The following TNFRSF11B variants were observed in gnomAD, a reference collection of about 807,000 sequenced individuals.
TNFRSF11B encodes the protein TNF receptor superfamily member 11b.
Under a neutral mutation model 43.4 loss-of-function variants are expected in TNFRSF11B, and 16 were observed. The ratio of observed to expected loss-of-function variants is 0.37; its 90% CI spans 0.25 to 0.56. The LOEUF is 0.56. Among genes scored for constraint, TNFRSF11B ranks in the 20% least tolerant of loss-of-function variants. TNFRSF11B has a pLI of 0.80. For missense variants in TNFRSF11B, 444 were observed against 490.1 expected, an observed-to-expected ratio of 0.91 and a Z score of 0.89; for synonymous variants, 185 against 181.8, an observed-to-expected ratio of 1.02 and a Z score of -0.14.
chr8:118,938,573 G>T (rs545240657), intron 1 of TNFRSF11B, among the ~76,000 whole-genome samples: 86 of 152,156 alleles, frequency 5.7e-4, no homozygotes, highest in Non-Finnish European at 2.6e-4. Flanking sequence ...TTCCCTTCAC[G>T]CATTGTCCAA....
intron 4 of TNFRSF11B, among the ~76,000 whole-genome samples, chr8:118,926,158 C>T (rs1812241482): frequency 6.6e-6 from 1 of 152,160 alleles, no homozygotes; most frequent in South Asian, 2.1e-4. Flanking sequence ...TAGAGCTTCT[C>T]CTTGGTGGTC....
Position 118,933,199 on chromosome 8 carries a change from A to G in TNFRSF11B, c.132T>C (p.Cys44=). Residue 44 remains cysteine, a synonymous_variant, in exon 2 of 5, where the codon TGT becomes TGC. Coordinates refer to ENST00000297350, the MANE Select transcript of TNFRSF11B (RefSeq NM_002546.4). ...ETSHQLLCDK[C]PPGTYLKQHC... ...GTTGTTTTAGGTAGGTACCAGGAGG[A>G]CATTTGTCACACAACAGCTGATGAG... The G allele has an allele frequency of 6.2e-7, 1 of 1,614,182 alleles. No individual in the cohort carries two copies.
intron 4 of TNFRSF11B, among the ~76,000 whole-genome samples, chr8:118,925,954 G>A (rs1238469361): frequency 2.6e-5 from 4 of 152,132 alleles, no homozygotes; most frequent in Non-Finnish European, 4.4e-5. Flanking sequence ...TCCTACAAGA[G>A]GCTCAAACAC....
chr8:118,924,672 G>T lies in TNFRSF11B; in HGVS notation c.908C>A (p.Pro303Gln). 1 of 1,614,030 alleles carries T rather than the reference G, an allele frequency of 6.2e-7. No homozygotes were observed. Among genetic ancestry groups the T allele is most frequent in the Non-Finnish European group, 8.5e-7 (1 of 1,180,020 alleles). The change falls in exon 5 of 5, where the codon CCG (proline) becomes CAG (glutamine). Residue 303 changes from proline (P) to glutamine (Q), a missense_variant. By Grantham distance (76) the Pro-to-Gln change is moderately conservative. Coordinates refer to ENST00000297350, the MANE Select transcript of TNFRSF11B (RefSeq NM_002546.4). ...GTCTTCTGCTCCCACTTTCTTTCCC[G>T]GTAAGCTTTCCATCAAGCTACGAAG... Reference protein sequence around the residue: ...EQLRSLMESLPGKKVGAEDIE... With the variant: ...EQLRSLMESLQGKKVGAEDIE...
chr8:118,936,248 C>A (rs1460023252), intron 1 of TNFRSF11B, among the ~76,000 whole-genome samples: 1 of 152,152 alleles, frequency 6.6e-6, no homozygotes, highest in Non-Finnish European at 1.5e-5. Context: ...AAGGTAATTT[C>A]TCCAAGGCTA....
At chr8:118,926,449 G>A in intron 4 of TNFRSF11B, 45 bp downstream of exon 4, 2 of 1,477,098 alleles carry the variant, frequency 1.4e-6, no homozygotes, top group Admixed American at 1.7e-5. Flanking sequence ...TGATAAATAG[G>A]TGTCTTTGAT....
chr8:118,931,446 A>G (rs1029121713), intron 2 of TNFRSF11B, among the ~76,000 whole-genome samples: 1 of 152,202 alleles, frequency 6.6e-6, no homozygotes, highest in African/African-American at 2.4e-5. Context: ...AAAATTTTCT[A>G]GTTTCCAAGC....
intron 1 of TNFRSF11B, among the ~76,000 whole-genome samples, chr8:118,934,237 T>C (rs1402734441): frequency 6.6e-6 from 1 of 152,218 alleles, no homozygotes; most frequent in African/African-American, 2.4e-5. Flanking sequence ...GAATGCCTAC[T>C]AGGTGTCAAG....
At chr8:118,937,837 A>G in intron 1 of TNFRSF11B, among the ~76,000 whole-genome samples, 1 of 152,226 alleles carries the variant, frequency 6.6e-6, no homozygotes, top group East Asian at 1.9e-4. Context: ...TACTTACAGA[A>G]AAGAGTTTTG....
intron 1 of TNFRSF11B, among the ~76,000 whole-genome samples, chr8:118,946,023 G>A (rs953645764): frequency 6.6e-6 from 1 of 152,042 alleles, no homozygotes; most frequent in Admixed American, 6.6e-5. Context: ...CTAGAGAGGT[G>A]AATTTTTTTA....
intron 1 of TNFRSF11B, among the ~76,000 whole-genome samples, chr8:118,949,751 T>A (rs1220881421): frequency 6.6e-6 from 1 of 152,222 alleles, no homozygotes; most frequent in Non-Finnish European, 1.5e-5. Context: ...AAAGGAATAG[T>A]GTCTATCTTG....
At chr8:118,948,165 G>T (rs1484742724) in intron 1 of TNFRSF11B, among the ~76,000 whole-genome samples, 1 of 152,042 alleles carries the variant, frequency 6.6e-6, no homozygotes, top group African/African-American at 2.4e-5. Context: ...TGATAATTTT[G>T]GCATCTCTGC....
chr8:118,942,023 C>G (rs1812494263), intron 1 of TNFRSF11B, among the ~76,000 whole-genome samples: 2 of 152,122 alleles, frequency 1.3e-5, no homozygotes, highest in Admixed American at 1.3e-4. Context: ...CCCTGGCATT[C>G]TGGCCCAGAA....
At position 118,933,003 on chromosome 8, in the gene TNFRSF11B, C is replaced by A. The variant is rs762911895; in HGVS notation, c.328G>T (p.Gly110Trp). 6.2e-7 allele frequency: 1 copy of A among 1,614,200 alleles called. No individual in the cohort carries two copies. Among genetic ancestry groups the A allele is most frequent in the Non-Finnish European group, 8.5e-7 (1 of 1,180,034 alleles). The change falls in exon 2 of 5, where the codon GGG becomes TGG. Residue 110 changes from glycine (G) to tryptophan (W), a missense_variant. Gly to Trp is a radical substitution (Grantham distance 184). Transcript: ENST00000297350. ...CAGAACTCTATCTCAAGGTAGCGCC[C>A]TTCCTTGCATTCGCACACGCGGTTG... ...THNRVCECKE[G>W]RYLEIEFCLK...
chr8:118,938,132 A>G (rs1179286018), intron 1 of TNFRSF11B, among the ~76,000 whole-genome samples: 1 of 151,904 alleles, frequency 6.6e-6, no homozygotes, highest in African/African-American at 2.4e-5. Flanking sequence ...TGAACATGGA[A>G]TTTTATTTTG....
chr8:118,930,221 C>A (rs969748027), intron 2 of TNFRSF11B, among the ~76,000 whole-genome samples: 11 of 152,180 alleles, frequency 7.2e-5, no homozygotes, highest in African/African-American at 2.7e-4. Flanking sequence ...CCTACTACAT[C>A]CTACTCCTTA....
intron 1 of TNFRSF11B, among the ~76,000 whole-genome samples, chr8:118,935,780 C>A (rs1444825782): frequency 2.0e-5 from 3 of 149,912 alleles, no homozygotes; most frequent in African/African-American, 7.3e-5. Flanking sequence ...GTTGTGTTTG[C>A]TTTCAAGAGG....
intron 1 of TNFRSF11B, among the ~76,000 whole-genome samples, chr8:118,944,481 C>A (rs1208423252): frequency 1.3e-5 from 2 of 152,130 alleles, no homozygotes; most frequent in African/African-American, 2.4e-5. Context: ...CTAGGATACA[C>A]AATCCCACCA....
At chr8:118,938,058 C>T (rs984032247) in intron 1 of TNFRSF11B, among the ~76,000 whole-genome samples, 63 of 152,118 alleles carry the variant, frequency 4.1e-4, no homozygotes, top group African/African-American at 1.3e-3. Flanking sequence ...TCTAATAATT[C>T]CCCATATTTA....
Sources: allele counts gnomAD v4.1 joint callset (sites outside exome capture counted in the v4.1 genomes callset), GRCh38; gene constraint gnomAD v4.1.1; transcripts MANE v1.5; gene names NCBI Gene and HGNC (gene_info 2026-07-23, HGNC 2026-07-21).